The following ELMOD3 variants were observed in gnomAD, a reference collection of about 807,000 sequenced individuals.
The protein encoded by ELMOD3 is ELMO domain-containing protein 3.
ELMOD3 carries 36 observed loss-of-function variants against 47.4 expected under a neutral mutation model. The ratio of observed to expected loss-of-function variants is 0.76; its 90% CI spans 0.58 to 1.00. ELMOD3 has a LOEUF of 1.00. Among genes scored for constraint, ELMOD3 ranks in the 50% least tolerant of loss-of-function variants. The pLI is 0.00. For missense variants in ELMOD3, 404 were observed against 463.8 expected, an observed-to-expected ratio of 0.87 and a Z score of 1.18; for synonymous variants, 149 against 183.5, an observed-to-expected ratio of 0.81 and a Z score of 1.52.
rs192758556 is a variant in ELMOD3 at position 85,384,730 on chromosome 2, G to A, written c.739-5021G>A. ...CCTCGGCTGGGACTACAGGTGTGCC[G>A]TACCATGCCCAGCTAATTTTATTTT... On this transcript the variant is annotated intron_variant, in intron 11 of 13. Coordinates refer to ENST00000409013, the MANE Select transcript of ELMOD3 (RefSeq NM_001135022.2). 1.3e-4 allele frequency among the ~76,000 whole-genome samples: 20 copies of A among 152,098 alleles called. 1 individual carries two copies. Among genetic ancestry groups the A allele is most frequent in the East Asian group, 1.9e-4 (1 of 5,178 alleles).
chr2:85,368,459 G>A, intron 6 of ELMOD3: 1 of 522,164 alleles, frequency 1.9e-6, no homozygotes, highest in Admixed American at 3.2e-5. Context: ...GCCTAAGGAA[G>A]GGAAAACTGG....
chr2:85,382,908 C>T (rs1312445055), intron 11 of ELMOD3, among the ~76,000 whole-genome samples: 3 of 147,916 alleles, frequency 2.0e-5, no homozygotes, highest in African/African-American at 7.5e-5. Flanking sequence ...GGATGGGTCT[C>T]GGGCTGTAGA....
chr2:85,362,118 G>T, intron 4 of ELMOD3, 68 bp from the exon 5 acceptor site: 1 of 975,658 alleles, frequency 1.0e-6, no homozygotes, highest in Non-Finnish European at 1.6e-6. Context: ...AAAAAAGTAT[G>T]ACATTTAAAC....
chr2:85,361,745 C>T lies in ELMOD3; in HGVS notation c.55-441C>T, dbSNP rs183417775. Among the ~76,000 whole-genome samples the T allele has an allele frequency of 4.7e-3, 718 of 151,994 alleles. 10 individuals carry two copies. The highest frequency in any genetic ancestry group is 0.017 in the African/African-American group (689 of 41,448). ...GAGATCGAGACCATCCTGGCTAACACGGTGAAACCCCGTCTCTACTAAAAA... is the reference window on the plus strand; with the variant it reads ...GAGATCGAGACCATCCTGGCTAACATGGTGAAACCCCGTCTCTACTAAAAA... On this transcript the variant is annotated intron_variant, in intron 4 of 13. Transcript: ENST00000409013.
chr2:85,377,511 G>T, intron 11 of ELMOD3, 37 bp downstream of exon 11: 1 of 1,585,990 alleles, frequency 6.3e-7, no homozygotes, highest in Non-Finnish European at 8.6e-7. Context: ...AAAGGAAAGG[G>T]CCGTGGAGCT....
intron 4 of ELMOD3, among the ~76,000 whole-genome samples, chr2:85,358,252 C>T (rs1683698291): frequency 7.0e-6 from 1 of 142,866 alleles, no homozygotes; most frequent in African/African-American, 2.6e-5. Flanking sequence ...GCACTCCAGC[C>T]TGGGTGACCA....
At chr2:85,367,388 C>T (rs540142011) in intron 6 of ELMOD3, among the ~76,000 whole-genome samples, 1 of 152,196 alleles carries the variant, frequency 6.6e-6, no homozygotes, top group South Asian at 2.1e-4. Context: ...TTGATTCCAG[C>T]AGAGGGAGAG....
chr2:85,362,296 G>A (rs114352804), intron 5 of ELMOD3, 36 bp downstream of exon 5: 3 of 1,271,634 alleles, frequency 2.4e-6, no homozygotes, highest in African/African-American at 2.9e-5. Flanking sequence ...CTTCTGCCAG[G>A]GCTTTTGTTG....
chr2:85,369,816 C>CT lies in ELMOD3; in HGVS notation c.349dup (p.Ser117PhefsTer50). The CT allele has an allele frequency of 6.2e-7, 1 of 1,614,062 alleles. No individual in the cohort carries two copies. Among genetic ancestry groups the CT allele is most frequent in the Admixed American group, 1.7e-5 (1 of 60,006 alleles). ...CCTGCAGCACTTCCAGACTGTGGAC[C>CT]TTTCCCCCTTCAAGGTATGAGGGTA... On this transcript the variant is annotated frameshift_variant, in exon 8 of 14. Coordinates refer to ENST00000409013, the MANE Select transcript of ELMOD3 (RefSeq NM_001135022.2). LOFTEE classifies it high-confidence loss of function.
intron 6 of ELMOD3, among the ~76,000 whole-genome samples, 187 bp downstream of exon 6, chr2:85,363,353 C>T (rs1684121411): frequency 6.6e-6 from 1 of 152,224 alleles, no homozygotes; most frequent in South Asian, 2.1e-4. Context: ...TCTGATCTTC[C>T]TCTGCTAGTG....
intron 8 of ELMOD3, among the ~76,000 whole-genome samples, chr2:85,370,247 A>C (rs1270075076): frequency 9.2e-5 from 14 of 151,896 alleles, no homozygotes; most frequent in African/African-American, 3.4e-4. Context: ...AAAAGAAGGA[A>C]TATTTGGGGG....
intron 4 of ELMOD3, among the ~76,000 whole-genome samples, chr2:85,360,226 A>T (rs1683851026): frequency 7.4e-6 from 1 of 134,794 alleles, no homozygotes; most frequent in South Asian, 2.5e-4. Flanking sequence ...AGATTGCACC[A>T]TTGCACTCCA....
At chr2:85,388,117 C>A (rs903342676) in intron 11 of ELMOD3, among the ~76,000 whole-genome samples, 1 of 151,662 alleles carries the variant, frequency 6.6e-6, no homozygotes, top group African/African-American at 2.4e-5. Flanking sequence ...AGCTGGTGTT[C>A]TGCATAAAGT....
chr2:85,390,518 G>A (rs1332274445), intron 13 of ELMOD3: 6 of 1,596,170 alleles, frequency 3.8e-6, no homozygotes, highest in Non-Finnish European at 5.1e-6. Context: ...GGGAGCCAGG[G>A]TCCAATAGTT....
intron 7 of ELMOD3, 90 bp from the exon 8 acceptor site, chr2:85,369,649 G>A: frequency 7.3e-7 from 1 of 1,379,148 alleles, no homozygotes; most frequent in East Asian, 2.3e-5. Context: ...CCAGTGCTTG[G>A]CTTGGAAGTG....
At chr2:85,363,812 T>A (rs1285903633) in intron 6 of ELMOD3, among the ~76,000 whole-genome samples, 3 of 152,208 alleles carry the variant, frequency 2.0e-5, no homozygotes, top group African/African-American at 7.2e-5. Context: ...TTGTGAGACT[T>A]ATTCACTATT....
chr2:85,390,385 T>G, intron 13 of ELMOD3, 120 bp downstream of exon 13: 1 of 1,614,188 alleles, frequency 6.2e-7, no homozygotes. Flanking sequence ...CTTTCTCAAA[T>G]TCCAGCTTAC....
At chr2:85,368,538 C>A in intron 6 of ELMOD3, 148 bp from the exon 7 acceptor site, 2 of 654,140 alleles carry the variant, frequency 3.1e-6, no homozygotes, top group Non-Finnish European at 5.3e-6. Context: ...CTGTGAATAG[C>A]CACTGCACTC....
intron 4 of ELMOD3, among the ~76,000 whole-genome samples, chr2:85,361,930 C>T (rs76866457): frequency 8.5e-6 from 1 of 118,114 alleles, no homozygotes; most frequent in Non-Finnish European, 1.8e-5. Context: ...GACTCCGTCT[C>T]AAAAAAAAAA....
Sources: allele counts gnomAD v4.1 joint callset (sites outside exome capture counted in the v4.1 genomes callset), GRCh38; gene constraint gnomAD v4.1.1; transcripts MANE v1.5; gene names NCBI Gene and HGNC (gene_info 2026-07-23, HGNC 2026-07-21).